The following NAV1 variants were observed in gnomAD, a reference collection of about 807,000 sequenced individuals.
NAV1 encodes pore membrane and/or filament interacting like protein 3.
Under a neutral mutation model 175.2 loss-of-function variants are expected in NAV1, and 18 were observed. The ratio of observed to expected loss-of-function variants is 0.10; its 90% confidence interval spans 0.07 to 0.15. The LOEUF (loss-of-function observed/expected upper bound fraction) is 0.15, where lower values mean the gene tolerates loss of function less well. Among genes scored for constraint, NAV1 ranks in the 10% least tolerant of loss-of-function variants. The pLI is 1.00. For missense variants in NAV1, 1,731 were observed against 2,436.6 expected (o/e 0.71, Z 6.10); for synonymous variants, 897 against 978.7 (o/e 0.92, Z 1.56).
intron 2 of NAV1, among the ~76,000 whole-genome samples, chr1:201,598,425 C>G (rs77720686): frequency 0.02 from 2,999 of 152,238 alleles, 170 homozygotes; most frequent in East Asian, 0.15. Context: ...ATCAGAACCA[C>G]AATTCGATCA....
At chr1:201,809,306 G>A in intron 21 of NAV1, 45 bp downstream of exon 25, 1 of 1,604,032 alleles carries the variant, frequency 6.2e-7, no homozygotes, top group Non-Finnish European at 8.5e-7. Context: ...AACAAATACT[G>A]TTACATTTAT....
At chr1:201,670,979 G>C (rs1054749511) in intron 1 of NAV1, among the ~76,000 whole-genome samples, 2 of 152,182 alleles carry the variant, frequency 1.3e-5, no homozygotes, top group Admixed American at 6.5e-5. Context: ...GTGATGACTA[G>C]AGCAGTCATC....
Position 201,808,311 on chromosome 1 carries a change from A to T in NAV1, c.3846-107A>T. 1 of 1,404,216 alleles carries T rather than the reference A, an allele frequency of 7.1e-7. No homozygotes were observed. Among genetic ancestry groups the T allele is most frequent in the South Asian group, 1.4e-5 (1 of 72,774 alleles). 87.0% of individuals were successfully genotyped at this position (1,404,216 alleles called of 1,614,324 possible). A position where few individuals can be genotyped will look rare whatever the true frequency, so the allele number is the denominator to read the frequency against. On this transcript the variant is annotated intron_variant, in intron 18 of 29. Transcript: ENST00000367296. This position sits in a 1 kb window ranked among gnomAD's most constrained non-coding sequence, Gnocchi z 5.5. The stretch of plus-strand genomic sequence containing the variant: ...GGACCTTTCTTCTCATGCTGATTGA[A>T]TATCAATGGGCAGGAGAAGCCAAGA...
At chr1:201,599,865 C>T (rs1260495052) in intron 2 of NAV1, among the ~76,000 whole-genome samples, 2 of 152,194 alleles carry the variant, frequency 1.3e-5, no homozygotes, top group African/African-American at 4.8e-5. Context: ...GAAAAAACAA[C>T]ACTTTATTTG....
chr1:201,751,768 T>G (rs2102598202), intron 3 of NAV1, among the ~76,000 whole-genome samples: 1 of 152,372 alleles, frequency 6.6e-6, no homozygotes. Context: ...CCATTCATTC[T>G]TCATCTGTAA....
At chr1:201,745,453 G>A (rs564358507) in intron 3 of NAV1, among the ~76,000 whole-genome samples, 1 of 152,298 alleles carries the variant, frequency 6.6e-6, no homozygotes, top group Middle Eastern at 3.4e-3. Context: ...TTCAAAAGAG[G>A]GGAGAAGAGG....
chr1:201,646,766 A>G (rs1668990475), upstream of NAV1, among the ~76,000 whole-genome samples: 1 of 152,172 alleles, frequency 6.6e-6, no homozygotes, highest in African/African-American at 2.4e-5. Context: ...CAGGCCTCCA[A>G]ATCCATTTAA....
upstream of NAV1, among the ~76,000 whole-genome samples, chr1:201,619,443 TC>T (rs1241167538): frequency 1.3e-5 from 2 of 152,214 alleles, no homozygotes; most frequent in Non-Finnish European, 2.9e-5. Context: ...AAGATTTAGT[TC>T]TGGATTATCT....
At chr1:201,794,910 A>T in intron 15 of NAV1, 1 of 234,606 alleles carries the variant, frequency 4.3e-6, no homozygotes, top group Non-Finnish European at 8.4e-6. Flanking sequence ...GTCCACACAC[A>T]CACAAACAAT....
chr1:201,713,181 T>C (rs578052122), intron 2 of NAV1, among the ~76,000 whole-genome samples: 1 of 152,368 alleles, frequency 6.6e-6, no homozygotes, highest in South Asian at 2.1e-4. Context: ...AGCCAGGAAG[T>C]GGAAGCCATT....
intron 1 of NAV1, among the ~76,000 whole-genome samples, chr1:201,703,985 A>G (rs1215114969): frequency 6.6e-6 from 1 of 152,168 alleles, no homozygotes; most frequent in African/African-American, 2.4e-5. Flanking sequence ...AGGGGACTGG[A>G]GCAGAAAGGC....
rs768648784 is a variant in NAV1, at chr1:201,810,602, C to G, written c.4641C>G (p.Leu1547=). ...CGATGATGCAGCACTACATAAGCCT[C>G]CTGCTGAAGCACCGGCGCCTCGTCC... Residue 1547 remains leucine, a synonymous_variant, in exon 24 of 30, where the codon CTC becomes CTG. Coordinates refer to ENST00000367296, the Ensembl canonical transcript of NAV1. This position sits in a 1 kb window ranked among gnomAD's most constrained non-coding sequence, Gnocchi z 6.0. The G allele has an allele frequency of 1.2e-6, 2 of 1,614,134 alleles. No individual in the cohort carries two copies. The highest frequency in any genetic ancestry group is 1.1e-5 in the South Asian group (1 of 91,080).
chr1:201,740,071 C>G lies in NAV1; in HGVS notation c.1226+21316C>G, dbSNP rs1313531897. ...GATCCGGAAGAACGGTGAATTTCCCCCGCAGGTAAGCGCCCCCACCCCCCT... is the reference window on the plus strand; with the variant it reads ...GATCCGGAAGAACGGTGAATTTCCCGCGCAGGTAAGCGCCCCCACCCCCCT... On this transcript the variant is annotated intron_variant, in intron 3 of 29. Transcript: ENST00000367296. The surrounding 1 kb of genome is among the most constrained non-coding windows in gnomAD (Gnocchi z 4.7). The G allele has an allele frequency of 2.7e-6, 4 of 1,486,206 alleles. No homozygotes were observed. In the African/African-American group the frequency reaches 4.3e-5, roughly 16 times the overall value. 92.1% of individuals were successfully genotyped at this position (1,486,206 alleles called of 1,614,324 possible).
chr1:201,819,779 C>A lies in NAV1; in HGVS notation c.5539-58C>A. 4.8e-6 allele frequency: 7 copies of A among 1,472,418 alleles called. No homozygotes were observed. The South Asian group carries it at 6.8e-5, about 14-fold the overall frequency. 91.2% of individuals were successfully genotyped at this position (1,472,418 alleles called of 1,614,324 possible). A position where few individuals can be genotyped will look rare whatever the true frequency, so the allele number is the denominator to read the frequency against. On this transcript the variant is annotated intron_variant, in intron 29 of 29. Coordinates refer to ENST00000367296, the Ensembl canonical transcript of NAV1. ...GGATTTTGTTGTTGTTGTTTCCCTTCTGTGGGCAGGACCCAGAGTCCCAAC... is the reference window on the plus strand; with the variant it reads ...GGATTTTGTTGTTGTTGTTTCCCTTATGTGGGCAGGACCCAGAGTCCCAAC...
At chr1:201,665,069 C>T (rs1426702570) in intron 1 of NAV1, among the ~76,000 whole-genome samples, 11 of 152,150 alleles carry the variant, frequency 7.2e-5, no homozygotes, top group African/African-American at 1.7e-4. Flanking sequence ...TCGGTTTGCA[C>T]GCTGTCTGCC....
intron 3 of NAV1, among the ~76,000 whole-genome samples, chr1:201,764,720 A>G (rs1571469140): frequency 1.3e-5 from 2 of 152,260 alleles, no homozygotes; most frequent in Admixed American, 6.5e-5. Flanking sequence ...AGGAGGCAAG[A>G]TGATAATTTA....
At chr1:201,645,696 T>TGAAAATATACACAGC (rs1258053502), upstream of NAV1, among the ~76,000 whole-genome samples, 3 of 152,090 alleles carry the variant, frequency 2.0e-5, no homozygotes, top group African/African-American at 7.2e-5. Flanking sequence ...TGTGTCACAG[T>TGAAAATATACACAGC]GAAAATAAGC....
At chr1:201,604,214 C>G (rs1667605081) in intron 2 of NAV1, among the ~76,000 whole-genome samples, 1 of 152,206 alleles carries the variant, frequency 6.6e-6, no homozygotes, top group Non-Finnish European at 1.5e-5. Context: ...GGCACCACGC[C>G]TAGCTAATTT....
At chr1:201,642,811 C>T (rs1010670533) in intron 2 of NAV1, among the ~76,000 whole-genome samples, 2 of 150,308 alleles carry the variant, frequency 1.3e-5, no homozygotes, top group African/African-American at 4.9e-5. Flanking sequence ...GCTCTGTCGC[C>T]CAGGCTGGAG....
Sources: allele counts gnomAD v4.1 joint callset (sites outside exome capture counted in the v4.1 genomes callset), GRCh38; gene constraint gnomAD v4.1.1; non-coding constraint Gnocchi (gnomAD v3.1); transcripts MANE v1.5; gene names NCBI Gene and HGNC (gene_info 2026-07-23, HGNC 2026-07-21).